PCDH15: variants seen among roughly 807,000 people sequenced by gnomAD.
PCDH15 encodes the protein protocadherin related 15.
PCDH15 carries 129 observed loss-of-function variants against 178.5 expected under a neutral mutation model. The ratio of observed to expected loss-of-function variants is 0.72; its 90% CI spans 0.63 to 0.84. The LOEUF is 0.84. Among genes scored for constraint, PCDH15 ranks in the 40% least tolerant of loss-of-function variants. The pLI is 0.00. For missense variants in PCDH15, 2,230 were observed against 2,099.9 expected, an observed-to-expected ratio of 1.06 and a Z score of -1.21; for synonymous variants, 800 against 732.0, an observed-to-expected ratio of 1.09 and a Z score of -1.50.
intron 3 of PCDH15, among the ~76,000 whole-genome samples, chr10:54,882,883 C>T (rs145722062): frequency 7.9e-5 from 12 of 152,112 alleles, no homozygotes; most frequent in African/African-American, 2.6e-4. Flanking sequence ...TCGCCATAGC[C>T]ATAAACAGTC....
chr10:54,820,189 A>G (rs540649623), intron 3 of PCDH15, among the ~76,000 whole-genome samples: 3 of 152,062 alleles, frequency 2.0e-5, no homozygotes, highest in Non-Finnish European at 2.9e-5. Context: ...ATGTGTAACA[A>G]TCCAATGGAG....
intron 2 of PCDH15, among the ~76,000 whole-genome samples, chr10:55,340,062 A>C (rs921558103): frequency 1.2e-4 from 18 of 151,722 alleles, no homozygotes; most frequent in African/African-American, 4.1e-4. Flanking sequence ...TATATTTTTA[A>C]ATTTCCATTT....
At chr10:54,766,085 G>A (rs933094329) in intron 1 of PCDH15, among the ~76,000 whole-genome samples, 6 of 151,928 alleles carry the variant, frequency 3.9e-5, no homozygotes, top group African/African-American at 1.2e-4. Flanking sequence ...TCTTCTAGTT[G>A]AGAAAATTAA....
intron 2 of PCDH15, among the ~76,000 whole-genome samples, chr10:55,573,027 G>A (rs1170685632): frequency 1.3e-5 from 2 of 152,008 alleles, no homozygotes; most frequent in African/African-American, 4.8e-5. Context: ...ATTAGACAAT[G>A]TGACAAGAAG....
At chr10:54,209,405 G>A (rs1199867163) in intron 10 of PCDH15, among the ~76,000 whole-genome samples, 1 of 152,066 alleles carries the variant, frequency 6.6e-6, no homozygotes, top group African/African-American at 2.4e-5. Flanking sequence ...TGCAGTAGAT[G>A]AGCAGAGTTG....
At chr10:55,084,712 TCAAA>T (rs1842123809) in intron 2 of PCDH15, among the ~76,000 whole-genome samples, 1 of 151,908 alleles carries the variant, frequency 6.6e-6, no homozygotes, top group South Asian at 2.1e-4. Flanking sequence ...TATAAGGAGC[TCAAA>T]CAATTATATA....
intron 13 of PCDH15, among the ~76,000 whole-genome samples, chr10:54,174,693 TTTTC>T (rs145095582): frequency 0.1 from 12,169 of 116,186 alleles, 1,150 homozygotes; most frequent in African/African-American, 0.29. Flanking sequence ...TCTTTTTTCT[TTTTC>T]TTTTCTTTTT....
At chr10:54,245,662 A>C (rs1447612407) in intron 8 of PCDH15, among the ~76,000 whole-genome samples, 1 of 152,114 alleles carries the variant, frequency 6.6e-6, no homozygotes, top group Non-Finnish European at 1.5e-5. Flanking sequence ...AAACAATCCC[A>C]AAAATTGGAA....
intron 2 of PCDH15, among the ~76,000 whole-genome samples, chr10:55,367,139 C>A (rs573285773): frequency 6.6e-6 from 1 of 152,170 alleles, no homozygotes; most frequent in East Asian, 1.9e-4. Context: ...TTCCTTCCCT[C>A]TCCCATATTT....
chr10:54,641,887 A>T (rs1284573725), intron 2 of PCDH15, among the ~76,000 whole-genome samples: 1 of 151,294 alleles, frequency 6.6e-6, no homozygotes, highest in African/African-American at 2.4e-5. Context: ...AGCTTTAAAA[A>T]CTTTAATGGT....
intron 2 of PCDH15, among the ~76,000 whole-genome samples, chr10:54,908,663 T>C (rs529409143): frequency 1.2e-4 from 19 of 152,318 alleles, no homozygotes; most frequent in Admixed American, 3.9e-4. Context: ...TGGAGCTTTA[T>C]TGAGCAGTAG....
intron 2 of PCDH15, among the ~76,000 whole-genome samples, chr10:55,572,665 A>G (rs1426818079): frequency 6.6e-6 from 1 of 152,032 alleles, no homozygotes; most frequent in South Asian, 2.1e-4. Flanking sequence ...TAAATCACGT[A>G]AGGAAGGAAA....
At chr10:54,818,712 G>C (rs181927653) in intron 3 of PCDH15, among the ~76,000 whole-genome samples, 1 of 151,772 alleles carries the variant, frequency 6.6e-6, no homozygotes, top group South Asian at 2.1e-4. Context: ...CCCCCTCCCC[G>C]AGTGTTTTTG....
intron 26 of PCDH15, among the ~76,000 whole-genome samples, chr10:53,868,601 A>G (rs1434170172): frequency 3.3e-5 from 5 of 152,264 alleles, no homozygotes; most frequent in Non-Finnish European, 7.4e-5. Context: ...GAAAGACTAC[A>G]TAATAAGTAG....
chr10:54,897,560 A>G (rs1240032513), intron 2 of PCDH15: 1 of 152,214 alleles, frequency 6.6e-6, no homozygotes, highest in Non-Finnish European at 1.5e-5. Flanking sequence ...TGAAACAACA[A>G]TTATGTATTA....
intron 2 of PCDH15, among the ~76,000 whole-genome samples, chr10:54,961,265 C>T (rs1050983679): frequency 3.3e-5 from 5 of 152,206 alleles, no homozygotes; most frequent in Non-Finnish European, 5.9e-5. Context: ...TTCTAGCCCC[C>T]TGCCACCATG....
chr10:54,211,701 C>T (rs1382331808), intron 10 of PCDH15, among the ~76,000 whole-genome samples: 1 of 151,392 alleles, frequency 6.6e-6, no homozygotes, highest in Admixed American at 6.6e-5. Context: ...TCTAGTCCAA[C>T]AAAAACTTTT....
At chr10:54,836,742 TAC>T (rs749117633) in intron 3 of PCDH15, among the ~76,000 whole-genome samples, 25 of 152,196 alleles carry the variant, frequency 1.6e-4, no homozygotes, top group Non-Finnish European at 2.9e-4. Flanking sequence ...AAGAAAAAAT[TAC>T]AGTGTTAATA....
At chr10:54,222,584 C>G (rs1447404494) in intron 9 of PCDH15, among the ~76,000 whole-genome samples, 1 of 152,134 alleles carries the variant, frequency 6.6e-6, no homozygotes, top group Non-Finnish European at 1.5e-5. Flanking sequence ...TGTGTCTGTA[C>G]CATTTTACAT....
Sources: gnomAD v4.1 joint callset for allele counts (sites outside exome capture counted in the v4.1 genomes callset) on GRCh38, gnomAD v4.1.1 for gene constraint, MANE v1.5 for transcripts, NCBI Gene and HGNC (gene_info 2026-07-23, HGNC 2026-07-21) for gene names.